The following LTF variants were observed in gnomAD, a reference collection of about 807,000 sequenced individuals.
The protein encoded by LTF is lactotransferrin.
A neutral mutation model predicts 87.2 loss-of-function variants in LTF; 91 were observed. That is an observed-to-expected ratio of 1.04 (90% CI 0.88 to 1.24). The LOEUF (loss-of-function observed/expected upper bound fraction) is 1.24. Among genes scored for constraint, LTF ranks in the 50% most tolerant of loss-of-function variants. The probability of loss-of-function intolerance (pLI) is 0.00; values close to 1 mark genes in which losing one functional copy is unlikely to be tolerated. For synonymous variants in LTF, 378 were observed against 356.1 expected, an observed-to-expected ratio of 1.06 and a Z score of -0.69; for missense variants, 901 against 904.3, an observed-to-expected ratio of 1.00 and a Z score of 0.05.
chr3:46,482,885 CAA>C (rs1365703263), intron 1 of LTF, among the ~76,000 whole-genome samples: 1 of 151,756 alleles, frequency 6.6e-6, no homozygotes, highest in Admixed American at 6.6e-5. Context: ...AGAAAGAAAA[CAA>C]AGAAGAAAGA....
chr3:46,445,453 C>A lies in LTF; in HGVS notation c.1358-17G>T. 1 of 1,603,774 alleles carries A rather than the reference C, an allele frequency of 6.2e-7. No homozygotes were observed. The highest frequency in any genetic ancestry group is 1.3e-5 in the African/African-American group (1 of 74,676). ...CAAGATATCCTGGCATAACAGATGA[C>A]AGAAAAACAAGTCTTAACCTCCAGG... On this transcript the variant is annotated splice_polypyrimidine_tract_variant and intron_variant, in intron 11 of 16. Coordinates refer to ENST00000231751, the MANE Select transcript of LTF (RefSeq NM_002343.6).
At chr3:46,448,714 C>G (rs1702719197) in intron 9 of LTF, 149 bp downstream of exon 9, 1 of 848,288 alleles carries the variant, frequency 1.2e-6, no homozygotes, top group Non-Finnish European at 1.7e-6. Flanking sequence ...AACTAAAATG[C>G]TTTCTGGCCC....
chr3:46,443,662 G>A lies in LTF; in HGVS notation c.1514-80C>T, dbSNP rs368831516. ...ACCTTTACCTAACAGCCGATGCAGG[G>A]TGGTTTCAGTTCATTAGACTTCCCA... is the stretch of plus-strand genomic sequence containing the variant. On this transcript the variant is annotated intron_variant, in intron 12 of 16. Transcript: ENST00000231751. The A allele has an allele frequency of 6.8e-4, 995 of 1,453,952 alleles. 14 individuals are homozygous for A. The South Asian group carries it at 0.011, about 16-fold the overall frequency. The allele number at this position is 1,453,952 out of a possible 1,614,324, so 90.1% of individuals were successfully genotyped here.
At chr3:46,452,772 C>CT (rs1182837838) in intron 6 of LTF, among the ~76,000 whole-genome samples, 1 of 152,150 alleles carries the variant, frequency 6.6e-6, no homozygotes, top group East Asian at 1.9e-4. Context: ...AAAAAATATA[C>CT]TTTTTTTATT....
rs765809967 is a variant in LTF, at chr3:46,449,841, T to C, written c.1057+13A>G. On this transcript the variant is annotated intron_variant, in intron 8 of 16. Coordinates refer to ENST00000231751, the MANE Select transcript of LTF (RefSeq NM_002343.6). ...CACCAGGCGGACCTCAGGACCCTCC[T>C]GGGCTCACTCACTTTTCCTCAAGTT... 3 of 1,613,838 alleles carry C rather than the reference T, an allele frequency of 1.9e-6. No homozygotes were observed. The highest frequency in any genetic ancestry group is 2.2e-5 in the South Asian group (2 of 91,044).
At chr3:46,450,727 C>A (rs1028227337) in intron 6 of LTF, 54 bp from the exon 7 acceptor site, 1 of 1,474,042 alleles carries the variant, frequency 6.8e-7, no homozygotes, top group Admixed American at 1.8e-5. Context: ...CCAGCAGTAA[C>A]CTCGAGCTAT....
At chr3:46,452,497 T>C (rs2106871221) in intron 6 of LTF, among the ~76,000 whole-genome samples, 1 of 152,328 alleles carries the variant, frequency 6.6e-6, no homozygotes, top group South Asian at 2.1e-4. Flanking sequence ...TTTCCAGAAA[T>C]TCAACAAAAT....
At chr3:46,450,734 C>G in intron 6 of LTF, 61 bp from the exon 7 acceptor site, 1 of 1,397,748 alleles carries the variant, frequency 7.2e-7, no homozygotes, top group East Asian at 2.3e-5. Flanking sequence ...TAACCTCGAG[C>G]TATAGTTCCC....
chr3:46,460,383 A>G, intron 1 of LTF, among the ~76,000 whole-genome samples: 1 of 152,216 alleles, frequency 6.6e-6, no homozygotes, highest in East Asian at 1.9e-4. Context: ...ATGGTAAGTC[A>G]GTGTCAATGG....
chr3:46,449,152 A>G (rs1702735573), intron 8 of LTF, 135 bp from the exon 9 acceptor site: 1 of 723,140 alleles, frequency 1.4e-6, no homozygotes, highest in Non-Finnish European at 2.1e-6. Flanking sequence ...GTGGACCCAT[A>G]CCCTCTCCTC....
At chr3:46,462,445 A>G (rs549937118) in intron 1 of LTF, among the ~76,000 whole-genome samples, 1 of 152,180 alleles carries the variant, frequency 6.6e-6, no homozygotes, top group Non-Finnish European at 1.5e-5. Flanking sequence ...GGCTTGTGGA[A>G]GTTCCCATAG....
At chr3:46,467,564 C>A (rs1006011686), upstream of LTF, among the ~76,000 whole-genome samples, 1 of 152,018 alleles carries the variant, frequency 6.6e-6, no homozygotes, top group Non-Finnish European at 1.5e-5. Context: ...ACCCAGTGAC[C>A]AATTACCTGA....
At position 46,435,903 on chromosome 3, in the gene LTF, G is replaced by T. The variant is rs183434463; in HGVS notation, c.*292C>A. 25 of 449,182 alleles carry T rather than the reference G, an allele frequency of 5.6e-5. No homozygotes were observed. In the Admixed American group the frequency reaches 7.8e-4, roughly 14 times the overall value. The allele number at this position is 449,182 out of a possible 1,614,324, so 27.8% of individuals were successfully genotyped here. On this transcript the variant is annotated 3_prime_UTR_variant, in exon 17 of 17. Transcript: ENST00000231751. Reference sequence around the variant, plus strand: ...ACCCAAGACTGCAAGAAAGAGGAGGGGCTGGACCTGAAAAACTTGGAAGGG... The same window carrying T: ...ACCCAAGACTGCAAGAAAGAGGAGGTGCTGGACCTGAAAAACTTGGAAGGG...
rs1283482089 is a variant in LTF at position 46,459,752 on chromosome 3, T to C, written c.111A>G (p.Lys37=). Residue 37 remains lysine, a synonymous_variant, in exon 2 of 17, where the codon AAA becomes AAG. Transcript: ENST00000231751. The part of the protein sequence containing the change: ...WCAVSQPEAT[K]CFQWQRNMRK... ...TCATATTCCTTTGCCATTGGAAGCA[T>C]TTTGTGGCCTCGGGTTGGGATACGG... is the stretch of plus-strand genomic sequence containing the variant. 1.9e-6 allele frequency: 3 copies of C among 1,580,154 alleles called. No homozygotes were observed. The highest frequency in any genetic ancestry group is 2.6e-6 in the Non-Finnish European group (3 of 1,167,754).
chr3:46,469,248 G>A (rs1575326413), upstream of LTF, among the ~76,000 whole-genome samples: 1 of 152,302 alleles, frequency 6.6e-6, no homozygotes, highest in East Asian at 1.9e-4. Context: ...TCTCCCATTA[G>A]GCCCACAGCC....
At chr3:46,443,633 A>G in intron 12 of LTF, 51 bp from the exon 13 acceptor site, 1 of 1,602,072 alleles carries the variant, frequency 6.2e-7, no homozygotes, top group African/African-American at 1.3e-5. Flanking sequence ...AGTCCACACA[A>G]GCAACCTTTA....
chr3:46,460,300 G>A (rs1703047071), intron 1 of LTF, among the ~76,000 whole-genome samples: 1 of 152,162 alleles, frequency 6.6e-6, no homozygotes, highest in Admixed American at 6.5e-5. Flanking sequence ...ATTGTTTTGT[G>A]CATAAATCTC....
At chr3:46,471,268 C>G (rs1382492586) in intron 1 of LTF, among the ~76,000 whole-genome samples, 1 of 152,192 alleles carries the variant, frequency 6.6e-6, no homozygotes, top group Non-Finnish European at 1.5e-5. Context: ...CCTGCCTCCT[C>G]TCTTTCTCTG....
intron 2 of LTF, among the ~76,000 whole-genome samples, chr3:46,469,937 A>G (rs1431282809): frequency 6.6e-6 from 1 of 151,656 alleles, no homozygotes; most frequent in Non-Finnish European, 1.5e-5. Flanking sequence ...TGCTTGGATC[A>G]GCCCTCTTCT....
Sources: gnomAD v4.1 joint callset for allele counts (sites outside exome capture counted in the v4.1 genomes callset) on GRCh38, gnomAD v4.1.1 for gene constraint, MANE v1.5 for transcripts, NCBI Gene and HGNC (gene_info 2026-07-23, HGNC 2026-07-21) for gene names.